Variants in SGCD observed in about 807,000 individuals in gnomAD.
SGCD encodes delta-sarcoglycan.
Under a neutral mutation model 36.6 loss-of-function variants are expected in SGCD, and 18 were observed. The observed-to-expected ratio is 0.49, with a 90% CI of 0.34 to 0.73. The LOEUF is 0.73. Among genes scored for constraint, SGCD ranks in the 30% least tolerant of loss-of-function variants. The pLI, the probability that SGCD is intolerant of heterozygous loss-of-function variation, is 0.01. For missense variants in SGCD, 387 were observed against 346.7 expected (o/e 1.12, Z -0.92); for synonymous variants, 133 against 130.6 (o/e 1.02, Z -0.12).
At chr5:156,588,987 A>G (rs1369737015) in intron 4 of SGCD, among the ~76,000 whole-genome samples, 1 of 114,662 alleles carries the variant, frequency 8.7e-6, no homozygotes, top group Non-Finnish European at 1.8e-5. Context: ...GGGAATCTAT[A>G]TTGTGTGTGT....
At chr5:156,071,266 T>G (rs187756977) in intron 1 of SGCD, among the ~76,000 whole-genome samples, 2,817 of 152,322 alleles carry the variant, frequency 0.018, 217 homozygotes, top group Admixed American at 0.13. Context: ...TTGTGGGCAT[T>G]TAGTGTTATA....
chr5:155,757,279 G>A, the SGCD span, among the ~76,000 whole-genome samples: 2 of 152,182 alleles, frequency 1.3e-5, no homozygotes, highest in Non-Finnish European at 2.9e-5. Context: ...TATTGAATAA[G>A]TACTATATGG....
chr5:155,900,172 G>C (rs920840775), intron 1 of SGCD, among the ~76,000 whole-genome samples: 2 of 151,928 alleles, frequency 1.3e-5, no homozygotes, highest in African/African-American at 4.8e-5. Flanking sequence ...ATTTTCCTTT[G>C]GTGTTTAGAT....
At chr5:155,892,329 G>T (rs889392148) in intron 1 of SGCD, among the ~76,000 whole-genome samples, 3 of 152,008 alleles carry the variant, frequency 2.0e-5, no homozygotes, top group Non-Finnish European at 4.4e-5. Flanking sequence ...GGTGGCATGT[G>T]CCTGTAGTCC....
the SGCD span, among the ~76,000 whole-genome samples, chr5:155,794,659 C>G: frequency 6.6e-6 from 1 of 151,782 alleles, no homozygotes; most frequent in African/African-American, 2.4e-5. Context: ...AAGAGAATCT[C>G]AAATGGAAAA....
chr5:156,661,447 C>T (rs1763916272), intron 7 of SGCD, among the ~76,000 whole-genome samples: 1 of 133,344 alleles, frequency 7.5e-6, no homozygotes, highest in Non-Finnish European at 1.6e-5. Flanking sequence ...GCCTGTACTA[C>T]ATATGCAGAA....
At chr5:156,592,422 C>T (rs2113379947) in intron 5 of SGCD, among the ~76,000 whole-genome samples, 1 of 152,236 alleles carries the variant, frequency 6.6e-6, no homozygotes, top group South Asian at 2.1e-4. Flanking sequence ...AAGAAGATAG[C>T]TACATCTTAG....
chr5:156,742,458 A>G (rs898342661), intron 7 of SGCD, among the ~76,000 whole-genome samples: 4 of 152,066 alleles, frequency 2.6e-5, no homozygotes, highest in African/African-American at 9.6e-5. Context: ...CTACAACACT[A>G]GAAATCAGCC....
In SGCD at chr5:156,458,619, GA is replaced by G. The variant is rs1031795152; in HGVS notation, c.193-49975del. The G allele has an allele frequency of 6.9e-4, 452 of 654,252 alleles. 11 individuals carry two copies. In the East Asian group the frequency reaches 0.012, roughly 18 times the overall value. 40.5% of individuals were successfully genotyped at this position (654,252 alleles called of 1,614,324 possible). The stretch of plus-strand genomic sequence containing the variant: ...ACCTCAGATTTTTATTTGTAAAAAT[GA>G]AAAAAATACAATATTCATGCAGATA... On this transcript the variant is annotated intron_variant, in intron 3 of 8. Transcript: ENST00000337851.
chr5:156,418,629 A>T (rs1379761857), intron 3 of SGCD, among the ~76,000 whole-genome samples: 1 of 152,174 alleles, frequency 6.6e-6, no homozygotes, highest in Non-Finnish European at 1.5e-5. Context: ...TCTGACCCTT[A>T]CATCTTCCAC....
chr5:156,362,573 G>A (rs1474404368), intron 3 of SGCD, among the ~76,000 whole-genome samples: 2 of 152,150 alleles, frequency 1.3e-5, no homozygotes, highest in Non-Finnish European at 2.9e-5. Context: ...TTGAACCCGG[G>A]AGGCAGAGGT....
At chr5:156,406,817 TATACACAC>T (rs1324705793) in intron 3 of SGCD, among the ~76,000 whole-genome samples, 2,676 of 113,740 alleles carry the variant, frequency 0.024, 89 homozygotes, top group Non-Finnish European at 0.032. Context: ...TATATATATA[TATACACAC>T]ACACACACAC....
At chr5:156,515,630 A>G (rs1561748344) in intron 4 of SGCD, among the ~76,000 whole-genome samples, 4 of 152,208 alleles carry the variant, frequency 2.6e-5, no homozygotes, top group Non-Finnish European at 5.9e-5. Context: ...ATTTACCCAC[A>G]TATCTGTGCA....
At chr5:156,163,360 A>T (rs890498184) in intron 3 of SGCD, among the ~76,000 whole-genome samples, 1 of 151,592 alleles carries the variant, frequency 6.6e-6, no homozygotes, top group Admixed American at 6.6e-5. Context: ...GTAGGAGCCC[A>T]TCAGAGCCAT....
chr5:156,480,036 T>G (rs959467936), intron 3 of SGCD, among the ~76,000 whole-genome samples: 2 of 152,134 alleles, frequency 1.3e-5, no homozygotes, highest in African/African-American at 2.4e-5. Context: ...CTTCACCATC[T>G]GACTGGGATG....
At chr5:156,152,134 TA>T (rs577639824) in intron 3 of SGCD, among the ~76,000 whole-genome samples, 6 of 150,562 alleles carry the variant, frequency 4.0e-5, no homozygotes, top group African/African-American at 7.4e-5. Context: ...AATTGTGAGT[TA>T]AAAAAAAACA....
chr5:156,591,647 G>A (rs550708370), intron 5 of SGCD, among the ~76,000 whole-genome samples: 1 of 152,310 alleles, frequency 6.6e-6, no homozygotes, highest in Non-Finnish European at 1.5e-5. Flanking sequence ...CCCTGTTTAG[G>A]AGATTAATTA....
chr5:156,163,884 G>A (rs922580097), intron 3 of SGCD, among the ~76,000 whole-genome samples: 2 of 150,990 alleles, frequency 1.3e-5, no homozygotes, highest in Non-Finnish European at 2.9e-5. Context: ...TTAGCCAGGC[G>A]TGGTGGCACG....
chr5:156,542,357 A>G (rs1255892440), intron 4 of SGCD, among the ~76,000 whole-genome samples: 5 of 152,148 alleles, frequency 3.3e-5, no homozygotes, highest in African/African-American at 1.2e-4. Context: ...ATTTATGATA[A>G]CTGTTGTGCC....
Sources: allele counts gnomAD v4.1 joint callset (sites outside exome capture counted in the v4.1 genomes callset), GRCh38; gene constraint gnomAD v4.1.1; transcripts MANE v1.5; gene names NCBI Gene and HGNC (gene_info 2026-07-23, HGNC 2026-07-21).